The following GAPVD1 variants were observed in gnomAD, a reference collection of about 807,000 sequenced individuals.
The protein encoded by GAPVD1 is GTPase-activating protein and VPS9 domain-containing protein 1.
In GAPVD1, 35 loss-of-function variants were observed where a neutral mutation model predicts 155.5. The observed-to-expected ratio is 0.23, with a 90% CI of 0.17 to 0.30. GAPVD1 has a LOEUF of 0.30. Among genes scored for constraint, GAPVD1 ranks in the 10% least tolerant of loss-of-function variants. The pLI is 1.00. For missense variants in GAPVD1, 1,429 were observed against 1,775.7 expected, an observed-to-expected ratio of 0.80 and a Z score of 3.51; for synonymous variants, 636 against 619.7, an observed-to-expected ratio of 1.03 and a Z score of -0.39.
chr9:125,338,719 C>A (rs1847381542), intron 17 of GAPVD1, among the ~76,000 whole-genome samples: 1 of 152,082 alleles, frequency 6.6e-6, no homozygotes, highest in Non-Finnish European at 1.5e-5. Flanking sequence ...TTTAATTTGT[C>A]CCATTTCTAC....
intron 23 of GAPVD1, 123 bp downstream of exon 23, chr9:125,350,995 T>C (rs1311891704): frequency 2.7e-6 from 2 of 752,866 alleles, no homozygotes; most frequent in African/African-American, 3.5e-5. Flanking sequence ...TTTTCCTGGA[T>C]GTAGATTTCT....
At position 125,339,716 on chromosome 9, in the gene GAPVD1, C is replaced by A. The variant is rs763750606; in HGVS notation, c.2878-1461C>A. ...GACACATTCAATTCTAGTCCAAACA[C>A]AACAGAGTTTGTTTCGTCTTTCTTC... On this transcript the variant is annotated intron_variant, in intron 17 of 27. Coordinates refer to ENST00000297933, the MANE Select transcript of GAPVD1 (RefSeq NM_001282680.3). Among the ~76,000 whole-genome samples the A allele has an allele frequency of 4.9e-4, 75 of 152,354 alleles. 1 individual carries two copies. Among genetic ancestry groups the A allele is most frequent in the Middle Eastern group, 6.8e-3 (2 of 294 alleles).
chr9:125,293,280 A>T (rs1345121877), intron 2 of GAPVD1, among the ~76,000 whole-genome samples: 1 of 151,338 alleles, frequency 6.6e-6, no homozygotes, highest in African/African-American at 2.4e-5. Flanking sequence ...GGGTGATTGG[A>T]CTCTTAGGTC....
At chr9:125,361,060 C>T (rs1589151217) in intron 27 of GAPVD1, among the ~76,000 whole-genome samples, 2 of 152,044 alleles carry the variant, frequency 1.3e-5, no homozygotes, top group East Asian at 1.9e-4. Flanking sequence ...GACAGGGTTT[C>T]GCCATGTTGG....
At chr9:125,291,253 C>T (rs928869011) in intron 2 of GAPVD1, among the ~76,000 whole-genome samples, 3 of 152,080 alleles carry the variant, frequency 2.0e-5, no homozygotes, top group African/African-American at 7.2e-5. Flanking sequence ...TGCCACTGCA[C>T]TCCAGTGTGG....
intron 1 of GAPVD1, chr9:125,264,217 CGG>C (rs1300964248): frequency 1.7e-6 from 1 of 597,786 alleles, no homozygotes; most frequent in Non-Finnish European, 3.0e-6. Flanking sequence ...TGTTTTGAGA[CGG>C]AGTCTGGCTC....
At chr9:125,266,524 A>T (rs2131668124) in intron 1 of GAPVD1, among the ~76,000 whole-genome samples, 1 of 152,126 alleles carries the variant, frequency 6.6e-6, no homozygotes, top group Middle Eastern at 3.4e-3. Context: ...CATGTTATCC[A>T]GGATGGTCTT....
rs13299973 is a variant in GAPVD1, at chr9:125,307,424, C to T, written c.1128C>T (p.Ala376=). Residue 376 remains alanine, a synonymous_variant, in exon 7 of 28, where the codon GCC becomes GCT. Coordinates refer to ENST00000297933, the MANE Select transcript of GAPVD1 (RefSeq NM_001282680.3). ...TCCTGTTTTAACAGAGCTGTGTTGC[C>T]GCTTTCCTTGATGTTGTGATTGGGG... ...SLGKFDKSCV[A]AFLDVVIGGR... 3.1e-6 allele frequency: 5 copies of T among 1,602,900 alleles called. No homozygotes were observed. Among genetic ancestry groups the T allele is most frequent in the South Asian group, 2.3e-5 (2 of 88,568 alleles).
At chr9:125,278,254 C>T (rs546948845) in intron 2 of GAPVD1, among the ~76,000 whole-genome samples, 79 of 152,280 alleles carry the variant, frequency 5.2e-4, no homozygotes, top group East Asian at 2.3e-3. Context: ...GGTGCGGTGG[C>T]TTATGGCTGT....
intron 27 of GAPVD1, among the ~76,000 whole-genome samples, chr9:125,361,281 T>A (rs2132719806): frequency 6.6e-6 from 1 of 152,284 alleles, no homozygotes; most frequent in African/African-American, 2.4e-5. Context: ...GGCTCACGCT[T>A]GTAATCCCAG....
At chr9:125,287,933 T>C (rs1054164747) in intron 2 of GAPVD1, 14 of 151,578 alleles carry the variant, frequency 9.2e-5, no homozygotes, top group African/African-American at 3.2e-4. Flanking sequence ...TAGAGACGGG[T>C]TTCACCATGT....
intron 2 of GAPVD1, among the ~76,000 whole-genome samples, chr9:125,288,327 G>A (rs2030147): frequency 0.49 from 74,182 of 151,578 alleles, 18,321 homozygotes; most frequent in Middle Eastern, 0.58. Flanking sequence ...GGTCAGGCTG[G>A]TCTCAAACTC....
intron 4 of GAPVD1, among the ~76,000 whole-genome samples, 189 bp downstream of exon 4, chr9:125,299,295 T>G (rs1157002843): frequency 6.6e-6 from 1 of 152,244 alleles, no homozygotes; most frequent in Non-Finnish European, 1.5e-5. Context: ...GGCACTTTTA[T>G]AGAAAATTGT....
In GAPVD1 at chr9:125,332,634, G is replaced by C; in HGVS notation, c.2428+5G>C. On this transcript the variant is annotated splice_donor_5th_base_variant and intron_variant, in intron 15 of 27. Transcript: ENST00000297933. ...ACATGGATGAAATAACTCACGGTAA[G>C]AGGGGGAAATGAGGATGACTTAAAA... The C allele has an allele frequency of 6.2e-7, 1 of 1,606,250 alleles. No homozygotes were observed. The highest frequency in any genetic ancestry group is 8.5e-7 in the Non-Finnish European group (1 of 1,177,440).
chr9:125,302,778 A>G lies in GAPVD1; in HGVS notation c.981A>G (p.Ile327Met), dbSNP rs151076290. The G allele has an allele frequency of 3.1e-6, 5 of 1,611,832 alleles. No individual in the cohort carries two copies. The highest frequency in any genetic ancestry group is 4.2e-6 in the Non-Finnish European group (5 of 1,179,084). ...TTGTCAATCCAGAACAATATGGAATAATTTCCGATGCTCCTATTAATGAAG... is the reference window on the plus strand; with the variant it reads ...TTGTCAATCCAGAACAATATGGAATGATTTCCGATGCTCCTATTAATGAAG... The part of the protein sequence containing the change: ...PAVVNPEQYG[I>M]ISDAPINEVA... Residue 327 changes from isoleucine (I) to methionine (M), a missense_variant, in exon 5 of 28, where the codon ATA becomes ATG. Physicochemically the swap from Ile to Met is conservative, Grantham distance 10. Transcript: ENST00000297933.
In GAPVD1 at chr9:125,310,537, ATTT is replaced by A. The variant is rs10616987; in HGVS notation, c.1442-1898_1442-1896del. 6.1e-3 allele frequency among the ~76,000 whole-genome samples: 742 copies of A among 122,212 alleles called. 4 individuals carry two copies. Among genetic ancestry groups the A allele is most frequent in the African/African-American group, 0.01 (300 of 29,958 alleles). 80.2% of individuals were successfully genotyped at this position (122,212 alleles called of 152,430 possible). On this transcript the variant is annotated intron_variant, in intron 8 of 27. Transcript: ENST00000297933. ...AAGAAAATAGAAACTTTTTTTCTTG[ATTT>A]TTTTTTTTTTTTTTTTGAGGCGGAG...
intron 2 of GAPVD1, among the ~76,000 whole-genome samples, chr9:125,276,319 A>G (rs889894372): frequency 2.2e-4 from 34 of 152,338 alleles, no homozygotes; most frequent in African/African-American, 7.5e-4. Context: ...GAAAAACCAA[A>G]TAATACTGAC....
intron 12 of GAPVD1, among the ~76,000 whole-genome samples, chr9:125,328,789 G>GC (rs1357121871): frequency 6.6e-6 from 1 of 151,542 alleles, no homozygotes. Flanking sequence ...GGGCAGAGGC[G>GC]CCCCTCACCT....
chr9:125,349,575 A>G, intron 21 of GAPVD1, 56 bp downstream of exon 21: 1 of 1,448,234 alleles, frequency 6.9e-7, no homozygotes, highest in Non-Finnish European at 9.6e-7. Context: ...GCACCATTGC[A>G]GTCACGTCAA....
Sources: allele counts gnomAD v4.1 joint callset (sites outside exome capture counted in the v4.1 genomes callset), GRCh38; gene constraint gnomAD v4.1.1; transcripts MANE v1.5; gene names NCBI Gene and HGNC (gene_info 2026-07-23, HGNC 2026-07-21).